BRINP3: variants seen among roughly 807,000 people sequenced by gnomAD.
BRINP3 encodes the protein BMP/retinoic acid inducible neural specific 3, also known as BMP/retinoic acid-inducible neural-specific protein 3.
Under a neutral mutation model 71.0 loss-of-function variants are expected in BRINP3, and 19 were observed. The ratio of observed to expected loss-of-function variants is 0.27; its 90% confidence interval spans 0.19 to 0.39. The LOEUF (loss-of-function observed/expected upper bound fraction) is 0.39, where lower values mean the gene tolerates loss of function less well. BRINP3 is among the 10% of genes least tolerant of loss of function. The pLI is 1.00. For missense variants in BRINP3, 959 were observed against 940.8 expected (o/e 1.02, Z -0.25); for synonymous variants, 380 against 337.7 (o/e 1.13, Z -1.37).
intron 7 of BRINP3, among the ~76,000 whole-genome samples, chr1:190,112,187 T>C (rs1040388386): frequency 2.0e-5 from 3 of 152,148 alleles, no homozygotes; most frequent in Non-Finnish European, 2.9e-5. Context: ...GTTTGAAGCA[T>C]GACTGGTTAT....
At position 190,264,883 on chromosome 1, in the gene BRINP3, A is replaced by G. The variant is rs1444355066; in HGVS notation, c.600T>C (p.Ile200=). Residue 200 remains isoleucine, a synonymous_variant, in exon 4 of 8, where the codon ATT becomes ATC. Coordinates refer to ENST00000367462, the MANE Select transcript of BRINP3 (RefSeq NM_199051.3). ...TTCTTACCTTTATGGCAGTGGATGC[A>G]ATTTGAATGTGGTGAAGTCTCCGAA... is the stretch of plus-strand genomic sequence containing the variant. ...STLRRLHHIQ[I]ASTAIKVTET... 1 of 1,613,220 alleles carries G rather than the reference A, an allele frequency of 6.2e-7. No individual in the cohort carries two copies. The highest frequency in any genetic ancestry group is 2.2e-5 in the East Asian group (1 of 44,760).
At chr1:190,432,862 G>C (rs755711538) in intron 2 of BRINP3, among the ~76,000 whole-genome samples, 44 of 152,044 alleles carry the variant, frequency 2.9e-4, no homozygotes, top group Non-Finnish European at 5.4e-4. Context: ...TATGTTATTT[G>C]GGACTGTAGC....
chr1:190,173,839 A>T (rs763625253), intron 6 of BRINP3, among the ~76,000 whole-genome samples: 8 of 152,152 alleles, frequency 5.3e-5, no homozygotes, highest in Non-Finnish European at 1.0e-4. Flanking sequence ...CAAATTTTGC[A>T]AACCTCTTCA....
chr1:190,113,439 C>T (rs183159712), intron 7 of BRINP3, among the ~76,000 whole-genome samples: 69 of 152,110 alleles, frequency 4.5e-4, no homozygotes, highest in African/African-American at 1.5e-3. Flanking sequence ...GTACCATTGC[C>T]GAAAAGTCAG....
In BRINP3 at chr1:190,452,486, C is replaced by G. The variant is rs74130769; in HGVS notation, c.236+2169G>C. On this transcript the variant is annotated intron_variant, in intron 2 of 7. Transcript: ENST00000367462. ...GAATATATGCGCCTTGCAAACAAAC[C>G]TCAGAGCACTTTTGTTCATTACCTT... Among the ~76,000 whole-genome samples, 570 of 152,270 alleles carry G rather than the reference C, an allele frequency of 3.7e-3. 4 individuals carry two copies. Among genetic ancestry groups the G allele is most frequent in the African/African-American group, 0.013 (530 of 41,552 alleles).
At chr1:190,275,817 G>C (rs1365520158) in intron 3 of BRINP3, among the ~76,000 whole-genome samples, 2 of 151,420 alleles carry the variant, frequency 1.3e-5, no homozygotes, top group Non-Finnish European at 3.0e-5. Context: ...TTTTGCTCTT[G>C]TTTATTCTTA....
chr1:190,191,837 G>A (rs943580901), intron 6 of BRINP3, among the ~76,000 whole-genome samples: 4 of 151,664 alleles, frequency 2.6e-5, no homozygotes, highest in East Asian at 3.9e-4. Context: ...TTTATGTTTC[G>A]GAAAAAATAT....
intron 2 of BRINP3, among the ~76,000 whole-genome samples, chr1:190,292,483 T>C (rs769046059): frequency 1.3e-5 from 2 of 151,994 alleles, no homozygotes; most frequent in Non-Finnish European, 2.9e-5. Flanking sequence ...GCTTGCTCTC[T>C]ACAAAAAAAT....
intron 2 of BRINP3, among the ~76,000 whole-genome samples, chr1:190,340,204 T>C (rs1667563863): frequency 6.6e-6 from 1 of 151,940 alleles, no homozygotes; most frequent in Non-Finnish European, 1.5e-5. Context: ...CTGGGTTATG[T>C]TATCTGCTGG....
At chr1:190,398,182 T>G (rs138330476) in intron 2 of BRINP3, among the ~76,000 whole-genome samples, 1 of 152,084 alleles carries the variant, frequency 6.6e-6, no homozygotes, top group Non-Finnish European at 1.5e-5. Context: ...ATGCTCCACT[T>G]AACATGAACA....
chr1:190,243,590 A>G (rs1659315579), intron 4 of BRINP3, among the ~76,000 whole-genome samples: 1 of 152,106 alleles, frequency 6.6e-6, no homozygotes, highest in Non-Finnish European at 1.5e-5. Context: ...GAGGTTTTCA[A>G]TATTAATAAT....
chr1:190,138,646 G>T (rs959567801), intron 7 of BRINP3, among the ~76,000 whole-genome samples: 1 of 152,120 alleles, frequency 6.6e-6, no homozygotes, highest in African/African-American at 2.4e-5. Context: ...GAAACTTGGG[G>T]ATCAGGGCAA....
chr1:190,220,907 A>G (rs77602777), intron 6 of BRINP3, among the ~76,000 whole-genome samples: 268 of 152,324 alleles, frequency 1.8e-3, no homozygotes, highest in African/African-American at 6.3e-3. Context: ...TTTGGTGTGC[A>G]ATTCTCTTGT....
At chr1:190,414,175 A>T (rs919406713) in intron 2 of BRINP3, among the ~76,000 whole-genome samples, 7 of 152,136 alleles carry the variant, frequency 4.6e-5, no homozygotes, top group Non-Finnish European at 7.4e-5. Flanking sequence ...AATATTTTTT[A>T]CTATAGACAG....
intron 7 of BRINP3, among the ~76,000 whole-genome samples, chr1:190,102,855 G>A (rs933954533): frequency 6.6e-6 from 1 of 151,968 alleles, no homozygotes; most frequent in Non-Finnish European, 1.5e-5. Context: ...AAAGAATTAT[G>A]AGCAGAAAAA....
At chr1:190,404,880 C>T (rs937999875) in intron 2 of BRINP3, among the ~76,000 whole-genome samples, 22 of 152,172 alleles carry the variant, frequency 1.4e-4, no homozygotes, top group Admixed American at 1.2e-3. Context: ...ATTAACTGTT[C>T]CCAGTTTGTC....
At chr1:190,342,509 C>A (rs532393811) in intron 2 of BRINP3, 1 of 151,366 alleles carries the variant, frequency 6.6e-6, no homozygotes, top group South Asian at 2.1e-4. Flanking sequence ...ACATGTCTCT[C>A]TGGAGTCAAA....
In BRINP3 at chr1:190,374,743, A is replaced by G. The variant is rs142294730; in HGVS notation, c.236+79912T>C. On this transcript the variant is annotated intron_variant, in intron 2 of 7. Transcript: ENST00000367462. ...AAAAGCATGAAAATAATGAAAAATG[A>G]AAAACATTCATTTGAGGAAAAATTT... Among the ~76,000 whole-genome samples, 25 of 152,118 alleles carry G rather than the reference A, an allele frequency of 1.6e-4. No homozygotes were observed. The East Asian group carries it at 2.1e-3, about 13-fold the overall frequency.
At chr1:190,158,326 G>C (rs914038184) in intron 7 of BRINP3, among the ~76,000 whole-genome samples, 7 of 152,056 alleles carry the variant, frequency 4.6e-5, no homozygotes, top group Non-Finnish European at 8.8e-5. Flanking sequence ...ATGTGGAACT[G>C]TAAGTCCATT....
Sources: allele counts gnomAD v4.1 joint callset (sites outside exome capture counted in the v4.1 genomes callset), GRCh38; gene constraint gnomAD v4.1.1; transcripts MANE v1.5; gene names NCBI Gene and HGNC (gene_info 2026-07-23, HGNC 2026-07-21).